Variants in NAALADL2 observed in about 807,000 individuals in gnomAD.
NAALADL2 encodes inactive N-acetylated-alpha-linked acidic dipeptidase-like protein 2.
A neutral mutation model predicts 87.2 loss-of-function variants in NAALADL2; 76 were observed. That is an observed-to-expected ratio of 0.87 (90% CI 0.72 to 1.05). The LOEUF (loss-of-function observed/expected upper bound fraction) is 1.05, where lower values mean the gene tolerates loss of function less well. Ranked by LOEUF, NAALADL2 falls within the 50% of genes least tolerant of loss-of-function variation. The pLI, the probability that NAALADL2 is intolerant of heterozygous loss-of-function variation, is 0.00. For missense variants in NAALADL2, 1,089 were observed against 945.8 expected (o/e 1.15, Z -1.99); for synonymous variants, 354 against 331.0 (o/e 1.07, Z -0.75).
At chr3:175,670,666 C>A (rs1291065184) in intron 11 of NAALADL2, among the ~76,000 whole-genome samples, 1 of 149,280 alleles carries the variant, frequency 6.7e-6, no homozygotes, top group Non-Finnish European at 1.5e-5. Context: ...TTCAATCCTC[C>A]AAGATATTTA....
At chr3:175,783,915 G>A (rs1751524042) in intron 13 of NAALADL2, among the ~76,000 whole-genome samples, 3 of 141,822 alleles carry the variant, frequency 2.1e-5, no homozygotes, top group Admixed American at 6.8e-5. Context: ...AGCATGAAGG[G>A]TTGTTGAATT....
chr3:174,638,306 A>G (rs116331455), intron 2 of NAALADL2, among the ~76,000 whole-genome samples: 11 of 152,306 alleles, frequency 7.2e-5, no homozygotes, highest in African/African-American at 2.6e-4. Flanking sequence ...AGACCAAGAA[A>G]TGTTTTTGTG....
At chr3:175,776,127 A>G (rs1427254046) in intron 13 of NAALADL2, 2 of 152,044 alleles carry the variant, frequency 1.3e-5, no homozygotes, top group Non-Finnish European at 2.9e-5. Flanking sequence ...TCATTTCTAC[A>G]CATTATCAAT....
chr3:175,023,624 T>A (rs1751848505), intron 1 of NAALADL2, among the ~76,000 whole-genome samples: 1 of 152,104 alleles, frequency 6.6e-6, no homozygotes. Flanking sequence ...AGATACTGAA[T>A]GACATACTAC....
intron 1 of NAALADL2, chr3:174,513,382 A>G (rs1434518444): frequency 6.6e-6 from 1 of 152,184 alleles, no homozygotes; most frequent in Non-Finnish European, 1.5e-5. Context: ...GTACATACCA[A>G]TTTAATTATC....
At chr3:175,560,639 C>T (rs1716118570) in intron 9 of NAALADL2, among the ~76,000 whole-genome samples, 1 of 152,044 alleles carries the variant, frequency 6.6e-6, no homozygotes, top group Non-Finnish European at 1.5e-5. Context: ...ACTTCTTTCA[C>T]TGTATCCCCT....
intron 5 of NAALADL2, among the ~76,000 whole-genome samples, chr3:175,369,234 G>C (rs1443594558): frequency 2.6e-5 from 4 of 152,086 alleles, no homozygotes; most frequent in Non-Finnish European, 5.9e-5. Context: ...TAGCAAGTAT[G>C]TGTGTGCCTG....
At chr3:174,653,511 T>C (rs1352319130) in intron 2 of NAALADL2, among the ~76,000 whole-genome samples, 1 of 152,126 alleles carries the variant, frequency 6.6e-6, no homozygotes, top group African/African-American at 2.4e-5. Context: ...ACATGTAAAA[T>C]AAATACTTTA....
At chr3:175,095,505 T>C (rs1720992902) in intron 1 of NAALADL2, among the ~76,000 whole-genome samples, 1 of 152,022 alleles carries the variant, frequency 6.6e-6, no homozygotes, top group Non-Finnish European at 1.5e-5. Flanking sequence ...AAAATTCTAG[T>C]CAGAATTACA....
chr3:175,203,325 C>T (rs966981029), intron 2 of NAALADL2, among the ~76,000 whole-genome samples: 2 of 152,148 alleles, frequency 1.3e-5, no homozygotes, highest in African/African-American at 4.8e-5. Context: ...TCTGCTGCTT[C>T]CTCTACCCCT....
intron 2 of NAALADL2, among the ~76,000 whole-genome samples, chr3:174,687,124 C>T (rs1728122222): frequency 1.3e-5 from 2 of 152,202 alleles, no homozygotes; most frequent in South Asian, 4.1e-4. Flanking sequence ...AGTTTATCTC[C>T]TAATCCTCTC....
chr3:174,726,188 T>C (rs1209871936), intron 2 of NAALADL2, among the ~76,000 whole-genome samples: 1 of 152,094 alleles, frequency 6.6e-6, no homozygotes, highest in Non-Finnish European at 1.5e-5. Flanking sequence ...CGGGCCTCTG[T>C]ATACATCTAT....
At chr3:175,037,980 T>A (rs1753622199) in intron 1 of NAALADL2, among the ~76,000 whole-genome samples, 1 of 152,152 alleles carries the variant, frequency 6.6e-6, no homozygotes, top group African/African-American at 2.4e-5. Flanking sequence ...AAAGACTTTC[T>A]TGGCCTCCCT....
At chr3:174,851,727 T>C (rs906443291) in intron 3 of NAALADL2, among the ~76,000 whole-genome samples, 2 of 152,050 alleles carry the variant, frequency 1.3e-5, no homozygotes, top group African/African-American at 4.8e-5. Context: ...TTTCAAACTC[T>C]TTCTACAAGG....
intron 10 of NAALADL2, among the ~76,000 whole-genome samples, chr3:175,582,958 G>T (rs144903363): frequency 6.6e-6 from 1 of 152,056 alleles, no homozygotes; most frequent in South Asian, 2.1e-4. Flanking sequence ...ATATGCTTGC[G>T]TGGAGTCAAC....
intron 5 of NAALADL2, among the ~76,000 whole-genome samples, chr3:175,382,453 T>C (rs1354617146): frequency 3.3e-5 from 5 of 151,588 alleles, no homozygotes; most frequent in African/African-American, 1.2e-4. Flanking sequence ...TTAGAATATA[T>C]TAACATTTAA....
At chr3:175,335,962 T>C (rs1462494958) in intron 5 of NAALADL2, among the ~76,000 whole-genome samples, 2 of 152,128 alleles carry the variant, frequency 1.3e-5, no homozygotes, top group African/African-American at 4.8e-5. Context: ...GTCAGGTAAT[T>C]AACTTTCTTT....
intron 1 of NAALADL2, among the ~76,000 whole-genome samples, chr3:175,057,946 A>G (rs1289292874): frequency 1.3e-5 from 2 of 152,212 alleles, no homozygotes; most frequent in Admixed American, 1.3e-4. Context: ...TAGAGTTTGT[A>G]GAGTTCATTC....
chr3:175,198,096 CTAAT>C (rs780875591), intron 2 of NAALADL2, among the ~76,000 whole-genome samples: 17 of 151,982 alleles, frequency 1.1e-4, no homozygotes, highest in Non-Finnish European at 1.9e-4. Context: ...CTTTTAATAT[CTAAT>C]TTATTTAATC....
Sources: allele counts gnomAD v4.1 joint callset (sites outside exome capture counted in the v4.1 genomes callset), GRCh38; gene constraint gnomAD v4.1.1; transcripts MANE v1.5; gene names NCBI Gene and HGNC (gene_info 2026-07-23, HGNC 2026-07-21).